Variants in DLG2 observed in about 807,000 individuals in gnomAD.
The protein encoded by DLG2 is discs large MAGUK scaffold protein 2, also known as disks large homolog 2.
DLG2 carries 45 observed loss-of-function variants against 132.5 expected under a neutral mutation model. The ratio of observed to expected loss-of-function variants is 0.34; its 90% CI spans 0.27 to 0.44. The LOEUF is 0.44. DLG2 is among the 20% of genes least tolerant of loss of function. The pLI is 1.00. For synonymous variants in DLG2, 424 were observed against 419.6 expected, an observed-to-expected ratio of 1.01 and a Z score of -0.13; for missense variants, 1,045 against 1,196.9, an observed-to-expected ratio of 0.87 and a Z score of 1.87.
At chr11:83,498,051 T>TA (rs924341825) in intron 21 of DLG2, among the ~76,000 whole-genome samples, 3 of 152,074 alleles carry the variant, frequency 2.0e-5, no homozygotes, top group South Asian at 4.1e-4. Flanking sequence ...TTCTTCATTT[T>TA]AAAAAAATGT....
intron 6 of DLG2, among the ~76,000 whole-genome samples, chr11:84,787,074 A>G (rs999939315): frequency 6.6e-6 from 1 of 152,110 alleles, no homozygotes; most frequent in Non-Finnish European, 1.5e-5. Context: ...AACACAGGAG[A>G]AACAATGACT....
intron 7 of DLG2, among the ~76,000 whole-genome samples, chr11:84,334,740 G>A (rs751522883): frequency 1.3e-5 from 2 of 152,164 alleles, no homozygotes; most frequent in South Asian, 2.1e-4. Flanking sequence ...TAATGGGAAC[G>A]ACCTTGAATA....
chr11:85,186,832 T>C (rs2080138366), intron 4 of DLG2, among the ~76,000 whole-genome samples: 1 of 152,126 alleles, frequency 6.6e-6, no homozygotes, highest in African/African-American at 2.4e-5. Context: ...TTATAATTCA[T>C]CATATATTTC....
intron 18 of DLG2, among the ~76,000 whole-genome samples, chr11:83,708,159 C>T (rs927319481): frequency 6.6e-6 from 1 of 152,100 alleles, no homozygotes; most frequent in African/African-American, 2.4e-5. Context: ...GAAATTTATT[C>T]TGTGTTTAAG....
intron 8 of DLG2, among the ~76,000 whole-genome samples, chr11:84,212,357 A>C (rs1201967867): frequency 6.6e-6 from 1 of 152,292 alleles, no homozygotes; most frequent in East Asian, 1.9e-4. Flanking sequence ...AATCTTATAT[A>C]ATTTGGGGAC....
intron 3 of DLG2, among the ~76,000 whole-genome samples, chr11:85,392,659 TAAACTC>T (rs1195557580): frequency 2.0e-5 from 3 of 151,914 alleles, no homozygotes; most frequent in Admixed American, 2.0e-4. Flanking sequence ...AACGCAGAAA[TAAACTC>T]AAATACTCAC....
intron 22 of DLG2, among the ~76,000 whole-genome samples, chr11:83,481,477 A>ATAAT (rs1173463036): frequency 6.6e-6 from 1 of 152,256 alleles, no homozygotes; most frequent in African/African-American, 2.4e-5. Flanking sequence ...AAAGAGAAAA[A>ATAAT]TAATATATAA....
chr11:85,368,328 C>G (rs2152912413), intron 3 of DLG2, among the ~76,000 whole-genome samples: 1 of 152,276 alleles, frequency 6.6e-6, no homozygotes, highest in African/African-American at 2.4e-5. Context: ...AAGACAAAGC[C>G]CTGTGCTAGC....
At chr11:84,659,266 T>C (rs2099691862) in intron 6 of DLG2, among the ~76,000 whole-genome samples, 1 of 152,086 alleles carries the variant, frequency 6.6e-6, no homozygotes, top group Admixed American at 6.6e-5. Context: ...CTTTTTAAAA[T>C]TTGAAGTCCT....
chr11:84,855,870 G>A (rs1290680318), intron 6 of DLG2, among the ~76,000 whole-genome samples: 5 of 151,980 alleles, frequency 3.3e-5, no homozygotes, highest in Admixed American at 6.6e-5. Context: ...TCCTTTATTT[G>A]TCATAATGGG....
At chr11:84,225,233 T>C (rs2096973609) in intron 8 of DLG2, among the ~76,000 whole-genome samples, 1 of 152,232 alleles carries the variant, frequency 6.6e-6, no homozygotes, top group Admixed American at 6.5e-5. Context: ...ATTAATAACA[T>C]ATTTGAATAG....
At chr11:85,231,229 G>C (rs937605637) in intron 4 of DLG2, among the ~76,000 whole-genome samples, 14 of 151,882 alleles carry the variant, frequency 9.2e-5, no homozygotes, top group African/African-American at 2.7e-4. Context: ...AGTTATGGAG[G>C]CTTTTTTGTT....
intron 18 of DLG2, among the ~76,000 whole-genome samples, chr11:83,726,728 A>G (rs1358649237): frequency 6.6e-6 from 1 of 151,188 alleles, no homozygotes; most frequent in Non-Finnish European, 1.5e-5. Flanking sequence ...GCAGACCCTG[A>G]GAGACATCAG....
intron 2 of DLG2, among the ~76,000 whole-genome samples, chr11:85,604,818 T>G (rs2080414309): frequency 6.6e-6 from 1 of 152,200 alleles, no homozygotes; most frequent in South Asian, 2.1e-4. Context: ...CTCTATATTG[T>G]ACATGGTTTA....
chr11:85,023,222 TA>T (rs1023383134), intron 6 of DLG2, among the ~76,000 whole-genome samples: 35 of 151,918 alleles, frequency 2.3e-4, no homozygotes, highest in African/African-American at 7.5e-4. Flanking sequence ...AAATAAAAAA[TA>T]AAAAACAGTA....
At chr11:85,080,243 A>G (rs540789479) in intron 6 of DLG2, among the ~76,000 whole-genome samples, 150 of 152,230 alleles carry the variant, frequency 9.9e-4, no homozygotes, top group African/African-American at 3.0e-3. Context: ...GTAAGATTTT[A>G]AAAGGTTTTA....
At chr11:83,877,088 GTTA>G (rs1438671623) in intron 15 of DLG2, among the ~76,000 whole-genome samples, 1 of 151,944 alleles carries the variant, frequency 6.6e-6, no homozygotes, top group Non-Finnish European at 1.5e-5. Flanking sequence ...CTTGATTTAT[GTTA>G]TTAATTACTT....
chr11:84,775,981 G>C (rs1465086275), intron 6 of DLG2, among the ~76,000 whole-genome samples: 1 of 152,134 alleles, frequency 6.6e-6, no homozygotes, highest in Non-Finnish European at 1.5e-5. Context: ...TCTTTTGTTT[G>C]TTTCAATATC....
intron 5 of DLG2, among the ~76,000 whole-genome samples, chr11:85,132,293 A>C (rs1019477124): frequency 1.3e-5 from 2 of 152,188 alleles, no homozygotes; most frequent in Admixed American, 1.3e-4. Context: ...TAAAATGCAG[A>C]ATATCAGAAT....
Sources: allele counts gnomAD v4.1 joint callset (sites outside exome capture counted in the v4.1 genomes callset), GRCh38; gene constraint gnomAD v4.1.1; transcripts MANE v1.5; gene names NCBI Gene and HGNC (gene_info 2026-07-23, HGNC 2026-07-21).